Variants in LONRF1 observed in about 807,000 individuals in gnomAD.
LONRF1 encodes the protein LON peptidase N-terminal domain and RING finger protein 1.
Under a neutral mutation model 85.8 loss-of-function variants are expected in LONRF1, and 37 were observed. The ratio of observed to expected loss-of-function variants is 0.43; its 90% confidence interval spans 0.33 to 0.57. The LOEUF (loss-of-function observed/expected upper bound fraction) is 0.57, where lower values mean the gene tolerates loss of function less well. Among genes scored for constraint, LONRF1 ranks in the 20% least tolerant of loss-of-function variants. The pLI is 0.04. For missense variants in LONRF1, 1,036 were observed against 978.0 expected (o/e 1.06, Z -0.79); for synonymous variants, 517 against 390.1 (o/e 1.33, Z -3.83).
Position 12,755,263 on chromosome 8 carries a change from C to A in LONRF1, c.158G>T (p.Arg53Leu). Residue 53 changes from arginine to leucine, a missense_variant, in exon 1 of 12, where the codon CGC becomes CTC. Arg to Leu is a moderately radical substitution (Grantham distance 102, BLOSUM62 -2). Around this residue, in one of 3 missense-constraint regions of LONRF1, gnomAD observed 742 missense variants for 614.4 expected, o/e 1.21. Transcript: ENST00000398246. ...AESERWELLL[R>L]RGELLALGGH... ...GCCCAGCGCCAGCAGCTCCCCGCGGCGGAGCAGCAGCTCCCAGCGCTCCGA... is the reference window on the plus strand; with the variant it reads ...GCCCAGCGCCAGCAGCTCCCCGCGGAGGAGCAGCAGCTCCCAGCGCTCCGA... The A allele has an allele frequency of 8.1e-7, 1 of 1,233,884 alleles. No homozygotes were observed. The highest frequency in any genetic ancestry group is 1.0e-6 in the Non-Finnish European group (1 of 990,784). The allele number at this position is 1,233,884 out of a possible 1,614,324, so 76.4% of individuals were successfully genotyped here.
At position 12,746,175 on chromosome 8, in the gene LONRF1, T is replaced by C. The variant is rs1240824162; in HGVS notation, c.722-2893A>G. ...TAGGCTCCCCAAATCTCTAATACTATTGCAATAGCTTGCTCACTGATCTCC... is the reference window on the plus strand; with the variant it reads ...TAGGCTCCCCAAATCTCTAATACTACTGCAATAGCTTGCTCACTGATCTCC... On this transcript the variant is annotated intron_variant, in intron 1 of 11. Coordinates refer to ENST00000398246, the MANE Select transcript of LONRF1 (RefSeq NM_152271.5). 2.0e-5 allele frequency among the ~76,000 whole-genome samples: 3 copies of C among 152,192 alleles called. No individual in the cohort carries two copies. In the South Asian group the frequency reaches 6.2e-4, roughly 31 times the overall value.
Position 12,755,223 on chromosome 8 carries a change from G to A in LONRF1, c.198C>T (p.Gly66=). ...ELLALGGHLK[G]ALEAFAAALR... ...GCGCCGCCGCGAACGCCTCCAGCGC[G>A]CCCTTCAGGTGGCCGCCCAGCGCCA... The change falls in exon 1 of 12, where the codon GGC becomes GGT. Residue 66 remains glycine, a synonymous_variant. Coordinates refer to ENST00000398246, the MANE Select transcript of LONRF1 (RefSeq NM_152271.5). The A allele has an allele frequency of 1.6e-6, 2 of 1,249,262 alleles. No individual in the cohort carries two copies. The highest frequency in any genetic ancestry group is 3.2e-5 in the South Asian group (1 of 31,694). 77.4% of individuals were successfully genotyped at this position (1,249,262 alleles called of 1,614,324 possible). A position where few individuals can be genotyped will look rare whatever the true frequency, so the allele number is the denominator to read the frequency against.
At chr8:12,751,478 T>C (rs1156947377) in intron 1 of LONRF1, among the ~76,000 whole-genome samples, 2 of 151,250 alleles carry the variant, frequency 1.3e-5, no homozygotes, top group Non-Finnish European at 2.9e-5. Context: ...TAATTTTTTG[T>C]ATCTCTAGTA....
At chr8:12,726,110 T>A in intron 10 of LONRF1, 1 of 398,560 alleles carries the variant, frequency 2.5e-6, no homozygotes. Flanking sequence ...CTTGCTGACT[T>A]AGCAGTGCAA....
At chr8:12,747,309 C>T (rs1799200880) in intron 1 of LONRF1, among the ~76,000 whole-genome samples, 1 of 152,066 alleles carries the variant, frequency 6.6e-6, no homozygotes, top group African/African-American at 2.4e-5. Context: ...ATCTTTGTTC[C>T]AATCATTAGA....
In LONRF1 at chr8:12,755,063, G is replaced by C; in HGVS notation, c.358C>G (p.Leu120Val). ...CCCCGGCAGCCCAGGCATCTGAGGA[G>C]CCCGCCGGCGCCGCCGTCAGCGCCT... ...VAGADGGAGG[L>V]LRCLGCRGFL... The change falls in exon 1 of 12, where the codon CTC becomes GTC. Residue 120 changes from leucine to valine, a missense_variant. Around this residue, in one of 3 missense-constraint regions of LONRF1, gnomAD observed 742 missense variants for 614.4 expected, o/e 1.21. Transcript: ENST00000398246. 1 of 1,474,412 alleles carries C rather than the reference G, an allele frequency of 6.8e-7. No homozygotes were observed. Among genetic ancestry groups the C allele is most frequent in the Non-Finnish European group, 8.9e-7 (1 of 1,118,314 alleles). 91.3% of individuals were successfully genotyped at this position (1,474,412 alleles called of 1,614,324 possible). A position where few individuals can be genotyped will look rare whatever the true frequency, so the allele number is the denominator to read the frequency against.
chr8:12,738,416 A>G (rs1798804108), intron 3 of LONRF1, among the ~76,000 whole-genome samples: 1 of 152,212 alleles, frequency 6.6e-6, no homozygotes, highest in Admixed American at 6.5e-5. Flanking sequence ...CTGATCTTTC[A>G]ACACAAAGAC....
rs1021906750 is a variant in LONRF1, at chr8:12,722,892, C to T, written c.*204G>A. On this transcript the variant is annotated 3_prime_UTR_variant, in exon 12 of 12. Coordinates refer to ENST00000398246, the MANE Select transcript of LONRF1 (RefSeq NM_152271.5). ...GTAGAGGTTCGACACACATTCAATGCGTGTTTTTCTGTGCAAGTTCTTAGT... is the reference window on the plus strand; with the variant it reads ...GTAGAGGTTCGACACACATTCAATGTGTGTTTTTCTGTGCAAGTTCTTAGT... 7 of 501,156 alleles carry T rather than the reference C, an allele frequency of 1.4e-5. No homozygotes were observed. Among genetic ancestry groups the T allele is most frequent in the Admixed American group, 3.7e-5 (1 of 27,264 alleles). 31.0% of individuals were successfully genotyped at this position (501,156 alleles called of 1,614,324 possible).
chr8:12,741,931 A>G (rs1227035352), intron 2 of LONRF1, among the ~76,000 whole-genome samples: 1 of 152,196 alleles, frequency 6.6e-6, no homozygotes, highest in Non-Finnish European at 1.5e-5. Flanking sequence ...TGGTCCACCA[A>G]CAAAGTATCA....
intron 1 of LONRF1, chr8:12,753,720 T>C (rs2128791129): frequency 6.6e-6 from 1 of 152,370 alleles, no homozygotes; most frequent in South Asian, 2.1e-4. Flanking sequence ...AGCTTGAAAC[T>C]GCCCCCTTTC....
At chr8:12,750,006 T>A (rs1278638022) in intron 1 of LONRF1, among the ~76,000 whole-genome samples, 2 of 152,212 alleles carry the variant, frequency 1.3e-5, no homozygotes, top group East Asian at 3.8e-4. Flanking sequence ...TATTTTAGAT[T>A]TATGTTTTGC....
Position 12,722,988 on chromosome 8 carries a change from G to A in LONRF1, c.*108C>T, listed in dbSNP as rs1413101323. On this transcript the variant is annotated 3_prime_UTR_variant, in exon 12 of 12. Coordinates refer to ENST00000398246, the MANE Select transcript of LONRF1 (RefSeq NM_152271.5). The stretch of plus-strand genomic sequence containing the variant: ...TCAGGAGGTCGAAGGAAAAAGAAAA[G>A]TTTCATTAAATTTCTGAAACCAGCA... 27 of 1,101,074 alleles carry A rather than the reference G, an allele frequency of 2.5e-5. No individual in the cohort carries two copies. The East Asian group carries it at 6.6e-4, about 27-fold the overall frequency. The allele number at this position is 1,101,074 out of a possible 1,614,324, so 68.2% of individuals were successfully genotyped here.
chr8:12,748,963 T>G (rs1799273269), intron 1 of LONRF1, among the ~76,000 whole-genome samples: 1 of 152,182 alleles, frequency 6.6e-6, no homozygotes, highest in African/African-American at 2.4e-5. Flanking sequence ...AACACTAGAT[T>G]CAGAAATTGG....
intron 6 of LONRF1, 69 bp from the exon 7 acceptor site, chr8:12,735,469 G>C: frequency 2.1e-6 from 2 of 956,970 alleles, no homozygotes; most frequent in Non-Finnish European, 3.3e-6. Flanking sequence ...TACTACTTTA[G>C]AACCATAACA....
chr8:12,729,257 C>G lies in LONRF1; in HGVS notation c.1764G>C (p.Glu588Asp). 6.2e-7 allele frequency: 1 copy of G among 1,613,960 alleles called. No individual in the cohort carries two copies. The change falls in exon 9 of 12, where the codon GAG becomes GAC. Residue 588 changes from glutamate (E) to aspartate (D), a missense_variant. By Grantham distance (45) the Glu-to-Asp change is conservative (BLOSUM62 2). Coordinates refer to ENST00000398246, the MANE Select transcript of LONRF1 (RefSeq NM_152271.5). ...PTVPCPLHVF[E>D]PRYRLMIRRS... The stretch of plus-strand genomic sequence containing the variant: ...TTCGAATCATCAATCTGTATCTTGG[C>G]TCAAATACATGGAGAGGGCAAGGCA...
chr8:12,751,299 T>TTTTTTTTTTTTGTTG (rs1563160556), intron 1 of LONRF1, among the ~76,000 whole-genome samples: 2 of 84,766 alleles, frequency 2.4e-5, no homozygotes, highest in Non-Finnish European at 2.6e-5. Context: ...TTTTTATGTT[T>TTTTTTTTTTTTGTTG]TTTTTTTTTT....
intron 7 of LONRF1, among the ~76,000 whole-genome samples, chr8:12,733,116 G>C (rs1479473754): frequency 6.6e-6 from 1 of 152,166 alleles, no homozygotes; most frequent in East Asian, 1.9e-4. Flanking sequence ...CTAACAAGTT[G>C]TCAGGTGACA....
rs1798726900 is a variant in LONRF1 at position 12,736,681 on chromosome 8, A to G, written c.1451+20T>C. On this transcript the variant is annotated intron_variant, in intron 6 of 11. Transcript: ENST00000398246. ...TACTAACATAAAATATTCATCTTCT[A>G]TAAAGTTTTATATGCTTACCTCATG... 9.3e-6 allele frequency: 14 copies of G among 1,511,108 alleles called. No homozygotes were observed. Among genetic ancestry groups the G allele is most frequent in the Non-Finnish European group, 1.3e-5 (14 of 1,102,484 alleles). 93.6% of individuals were successfully genotyped at this position (1,511,108 alleles called of 1,614,324 possible).
In LONRF1 at chr8:12,727,340, G is replaced by A. The variant is rs1192292415; in HGVS notation, c.2011-1461C>T. The A allele has an allele frequency of 2.0e-5, 3 of 150,064 alleles. No homozygotes were observed. The South Asian group carries it at 6.3e-4, about 32-fold the overall frequency. 9.3% of individuals were successfully genotyped at this position (150,064 alleles called of 1,614,324 possible). On this transcript the variant is annotated intron_variant, in intron 10 of 11. Coordinates refer to ENST00000398246, the MANE Select transcript of LONRF1 (RefSeq NM_152271.5). Reference sequence around the variant, plus strand: ...TTTTAAAGTCAAGGAACTTTACTGTGATAATTTTAACAGAACTTAAAATTT... The same window carrying A: ...TTTTAAAGTCAAGGAACTTTACTGTAATAATTTTAACAGAACTTAAAATTT...
Sources: gnomAD v4.1 joint callset for allele counts (sites outside exome capture counted in the v4.1 genomes callset) on GRCh38, gnomAD v4.1.1 for gene constraint, gnomAD v4.1.1 regional missense constraint, MANE v1.5 for transcripts, NCBI Gene and HGNC (gene_info 2026-07-23, HGNC 2026-07-21) for gene names.